Variants in MKLN1 observed in about 807,000 individuals in gnomAD.
The protein encoded by MKLN1 is muskelin 1.
In MKLN1, 18 loss-of-function variants were observed where a neutral mutation model predicts 99.0. That is an observed-to-expected ratio of 0.18 (90% CI 0.13 to 0.27). The LOEUF is 0.27. Ranked by LOEUF, MKLN1 falls within the 10% of genes least tolerant of loss-of-function variation. The probability of loss-of-function intolerance (pLI) is 1.00; values close to 1 mark genes in which losing one functional copy is unlikely to be tolerated. For missense variants in MKLN1, 621 were observed against 875.9 expected (o/e 0.71, Z 3.67); for synonymous variants, 288 against 293.2 (o/e 0.98, Z 0.18).
At chr7:131,228,422 CT>C (rs1458894182) in intron 3 of MKLN1, among the ~76,000 whole-genome samples, 1 of 152,124 alleles carries the variant, frequency 6.6e-6, no homozygotes, top group Admixed American at 6.5e-5. Context: ...TGCACCAAAC[CT>C]TATGTCAACA....
intron 17 of MKLN1, among the ~76,000 whole-genome samples, chr7:131,479,910 A>G (rs1201572498): frequency 1.3e-5 from 2 of 150,742 alleles, no homozygotes; most frequent in African/African-American, 2.4e-5. Flanking sequence ...TGTAATCCCA[A>G]CTACTCGGGA....
chr7:131,225,429 T>TGG (rs1206218355), intron 3 of MKLN1, among the ~76,000 whole-genome samples: 1 of 152,150 alleles, frequency 6.6e-6, no homozygotes, highest in African/African-American at 2.4e-5. Context: ...ACATGAAATT[T>TGG]GGGGAGAGAC....
intron 1 of MKLN1, among the ~76,000 whole-genome samples, chr7:131,138,671 G>C (rs1248551474): frequency 6.6e-6 from 1 of 151,868 alleles, no homozygotes; most frequent in East Asian, 1.9e-4. Context: ...AATATTCAGC[G>C]GGTAAGTGAC....
At chr7:131,188,328 C>A (rs1368578204) in intron 2 of MKLN1, among the ~76,000 whole-genome samples, 4 of 152,238 alleles carry the variant, frequency 2.6e-5, no homozygotes, top group African/African-American at 4.8e-5. Context: ...CATATAACAG[C>A]TACCATTTAC....
intron 3 of MKLN1, among the ~76,000 whole-genome samples, chr7:131,287,323 G>A (rs750238540): frequency 5.9e-5 from 9 of 152,150 alleles, no homozygotes; most frequent in Non-Finnish European, 8.8e-5. Context: ...TCACAGTTCC[G>A]GAGGACAGAA....
At chr7:131,158,382 T>C (rs554678118) in intron 2 of MKLN1, among the ~76,000 whole-genome samples, 2 of 152,262 alleles carry the variant, frequency 1.3e-5, no homozygotes, top group South Asian at 4.1e-4. Flanking sequence ...TGCAGTGAGC[T>C]GAGGTCACGC....
chr7:131,373,185 T>C (rs1026932701), intron 1 of MKLN1, among the ~76,000 whole-genome samples: 1 of 152,102 alleles, frequency 6.6e-6, no homozygotes, highest in African/African-American at 2.4e-5. Context: ...TTACCAGCCC[T>C]GGCCAACAAC....
chr7:131,431,377 G>A (rs1338666415), intron 9 of MKLN1, among the ~76,000 whole-genome samples: 1 of 152,124 alleles, frequency 6.6e-6, no homozygotes, highest in Non-Finnish European at 1.5e-5. Context: ...AAACTTCAGT[G>A]GCATATAGTA....
intron 1 of MKLN1, among the ~76,000 whole-genome samples, chr7:131,350,803 A>G (rs1288070600): frequency 6.6e-6 from 1 of 152,152 alleles, no homozygotes; most frequent in Non-Finnish European, 1.5e-5. Flanking sequence ...ACACTCAATG[A>G]GATGAAATTA....
At chr7:131,181,254 A>G (rs566032380) in intron 2 of MKLN1, among the ~76,000 whole-genome samples, 1 of 152,334 alleles carries the variant, frequency 6.6e-6, no homozygotes, top group South Asian at 2.1e-4. Context: ...CAGCCCTAGA[A>G]GAAGTGGGAG....
chr7:131,205,632 C>G (rs1473890666), intron 3 of MKLN1, among the ~76,000 whole-genome samples: 1 of 152,086 alleles, frequency 6.6e-6, no homozygotes, highest in Non-Finnish European at 1.5e-5. Context: ...TAGACTCTTA[C>G]GTGGGGGCTC....
At chr7:131,441,587 G>C (rs1325706208) in intron 10 of MKLN1, among the ~76,000 whole-genome samples, 5 of 152,042 alleles carry the variant, frequency 3.3e-5, no homozygotes, top group Non-Finnish European at 7.4e-5. Context: ...AATTTTTTCG[G>C]AGAGTAAAAA....
chr7:131,394,728 A>G (rs949026762), intron 4 of MKLN1, among the ~76,000 whole-genome samples: 1 of 152,044 alleles, frequency 6.6e-6, no homozygotes, highest in Non-Finnish European at 1.5e-5. Context: ...TACGCCTGGT[A>G]TCAGCTATTC....
At chr7:131,354,613 T>C (rs969243271) in intron 1 of MKLN1, among the ~76,000 whole-genome samples, 2 of 152,084 alleles carry the variant, frequency 1.3e-5, no homozygotes, top group South Asian at 4.1e-4. Flanking sequence ...GGTTGCATCA[T>C]TGTTTAGTTG....
chr7:131,125,500 G>A (rs1795439548), intron 1 of MKLN1, among the ~76,000 whole-genome samples: 1 of 152,110 alleles, frequency 6.6e-6, no homozygotes, highest in Non-Finnish European at 1.5e-5. Context: ...AGGAAATAAA[G>A]GGCAAGAGGA....
intron 2 of MKLN1, among the ~76,000 whole-genome samples, chr7:131,157,909 C>T (rs775830848): frequency 3.9e-5 from 6 of 152,064 alleles, no homozygotes; most frequent in South Asian, 2.1e-4. Context: ...ATTGGGTTTC[C>T]GGAGCCTATT....
At chr7:131,463,628 A>G (rs1484541753) in intron 13 of MKLN1, among the ~76,000 whole-genome samples, 1 of 152,176 alleles carries the variant, frequency 6.6e-6, no homozygotes, top group African/African-American at 2.4e-5. Context: ...TCCGTTCTCA[A>G]GTAGATGTGT....
chr7:131,240,379 G>A (rs1563263629), intron 3 of MKLN1, among the ~76,000 whole-genome samples: 2 of 151,958 alleles, frequency 1.3e-5, no homozygotes, highest in African/African-American at 4.8e-5. Context: ...TAATTAAAAG[G>A]CAAATACTCA....
At chr7:131,480,557 T>TA (rs1201731722) in intron 17 of MKLN1, among the ~76,000 whole-genome samples, 1 of 152,196 alleles carries the variant, frequency 6.6e-6, no homozygotes, top group Non-Finnish European at 1.5e-5. Context: ...TCCTCAGGAC[T>TA]AGACTGAGCA....
Sources: gnomAD v4.1 joint callset for allele counts (sites outside exome capture counted in the v4.1 genomes callset) on GRCh38, gnomAD v4.1.1 for gene constraint, MANE v1.5 for transcripts, NCBI Gene and HGNC (gene_info 2026-07-23, HGNC 2026-07-21) for gene names.